Variants in EBF2 observed in about 807,000 individuals in gnomAD.
EBF2 encodes transcription factor COE2.
In EBF2, 21 loss-of-function variants were observed where a neutral mutation model predicts 72.8. The ratio of observed to expected loss-of-function variants is 0.29; its 90% CI spans 0.20 to 0.42. The LOEUF (loss-of-function observed/expected upper bound fraction) is 0.42, where lower values mean the gene tolerates loss of function less well. Ranked by LOEUF, EBF2 falls within the 10% of genes least tolerant of loss-of-function variation. The pLI, the probability that EBF2 is intolerant of heterozygous loss-of-function variation, is 1.00. For missense variants in EBF2, 637 were observed against 731.2 expected (o/e 0.87, Z 1.49); for synonymous variants, 299 against 274.2 (o/e 1.09, Z -0.89).
At chr8:25,870,847 C>G (rs1025489281) in intron 10 of EBF2, among the ~76,000 whole-genome samples, 6 of 151,952 alleles carry the variant, frequency 3.9e-5, no homozygotes, top group Non-Finnish European at 8.8e-5. Context: ...ACTTCATAGG[C>G]ATAAACTATG....
At chr8:26,003,562 G>C (rs998667669) in intron 6 of EBF2, among the ~76,000 whole-genome samples, 2 of 152,110 alleles carry the variant, frequency 1.3e-5, no homozygotes, top group African/African-American at 2.4e-5. Context: ...GAGCACTGGT[G>C]GGGTGGGGGC....
intron 6 of EBF2, among the ~76,000 whole-genome samples, chr8:25,969,256 T>C (rs1202937694): frequency 6.6e-6 from 1 of 152,256 alleles, no homozygotes; most frequent in Non-Finnish European, 1.5e-5. Flanking sequence ...GTCCCATTCA[T>C]GAATTCCTTC....
chr8:25,993,840 G>A (rs903178942), intron 6 of EBF2, among the ~76,000 whole-genome samples: 28 of 152,100 alleles, frequency 1.8e-4, no homozygotes, highest in Middle Eastern at 3.2e-3. Context: ...AGGAATAATC[G>A]ATGAAAATCT....
chr8:25,949,962 C>T (rs894428989), intron 6 of EBF2, among the ~76,000 whole-genome samples: 3 of 152,202 alleles, frequency 2.0e-5, no homozygotes, highest in Non-Finnish European at 4.4e-5. Flanking sequence ...AACCTCATCA[C>T]CTTTAGAAAT....
intron 6 of EBF2, among the ~76,000 whole-genome samples, chr8:26,012,458 T>C (rs1218876002): frequency 4.6e-5 from 7 of 152,230 alleles, no homozygotes; most frequent in Non-Finnish European, 1.0e-4. Flanking sequence ...TAATTCCTGA[T>C]ACATACTAAA....
chr8:25,899,869 G>A (rs1338203774), intron 7 of EBF2, among the ~76,000 whole-genome samples: 1 of 152,120 alleles, frequency 6.6e-6, no homozygotes, highest in East Asian at 1.9e-4. Flanking sequence ...CCCTGTGGAC[G>A]CCAGTCAGTC....
At chr8:25,993,769 T>C (rs2117212527) in intron 6 of EBF2, among the ~76,000 whole-genome samples, 1 of 152,124 alleles carries the variant, frequency 6.6e-6, no homozygotes, top group East Asian at 1.9e-4. Flanking sequence ...TGAAGAAATG[T>C]ATGCAAATTT....
intron 8 of EBF2, 100 bp from the exon 9 acceptor site, chr8:25,888,072 C>A: frequency 7.6e-7 from 1 of 1,323,762 alleles, no homozygotes; most frequent in Non-Finnish European, 1.0e-6. Context: ...TCTTGGGCCA[C>A]GTATAAAATA....
intron 6 of EBF2, among the ~76,000 whole-genome samples, chr8:25,988,953 A>C (rs1029613968): frequency 6.6e-6 from 1 of 152,264 alleles, no homozygotes; most frequent in Admixed American, 6.5e-5. Context: ...AACTAGCAAC[A>C]TTGTATCATC....
intron 6 of EBF2, among the ~76,000 whole-genome samples, chr8:25,918,428 A>C (rs1049432428): frequency 1.3e-5 from 2 of 152,254 alleles, no homozygotes; most frequent in African/African-American, 4.8e-5. Context: ...GAAGCCATGC[A>C]TAAATTTACA....
intron 6 of EBF2, among the ~76,000 whole-genome samples, chr8:25,968,749 G>A (rs1804150319): frequency 6.6e-6 from 1 of 152,154 alleles, no homozygotes; most frequent in East Asian, 1.9e-4. Flanking sequence ...GTAGAGACGG[G>A]GTTTCACTGT....
intron 4 of EBF2, 131 bp from the exon 5 acceptor site, chr8:26,040,232 G>T (rs1367110909): frequency 2.0e-6 from 2 of 976,544 alleles, no homozygotes; most frequent in Non-Finnish European, 3.1e-6. Context: ...ATTCCCGCCC[G>T]CAGCACATTC....
intron 6 of EBF2, among the ~76,000 whole-genome samples, chr8:25,982,410 C>T (rs1342231963): frequency 1.1e-4 from 17 of 152,304 alleles, no homozygotes; most frequent in Admixed American, 1.1e-3. Context: ...GGAGCTGTGG[C>T]CCCGCTCCCT....
At chr8:25,920,452 C>T (rs910509304) in intron 6 of EBF2, among the ~76,000 whole-genome samples, 15 of 152,194 alleles carry the variant, frequency 9.9e-5, no homozygotes, top group African/African-American at 3.1e-4. Flanking sequence ...CAAGTCCCAC[C>T]TATTGACAGG....
chr8:25,913,278 T>C (rs1418130781), intron 6 of EBF2, among the ~76,000 whole-genome samples: 1 of 151,854 alleles, frequency 6.6e-6, no homozygotes. Flanking sequence ...CCATCTCTAC[T>C]AAAAATACAA....
chr8:26,028,171 G>C (rs1461732325), intron 6 of EBF2, among the ~76,000 whole-genome samples: 1 of 152,150 alleles, frequency 6.6e-6, no homozygotes, highest in Non-Finnish European at 1.5e-5. Flanking sequence ...GGTGTCAGGA[G>C]AACCCTTCAT....
At chr8:26,015,821 T>C (rs1354955350) in intron 6 of EBF2, among the ~76,000 whole-genome samples, 1 of 152,144 alleles carries the variant, frequency 6.6e-6, no homozygotes, top group Non-Finnish European at 1.5e-5. Context: ...GCCTACATTC[T>C]CAAGACAGAA....
intron 6 of EBF2, among the ~76,000 whole-genome samples, chr8:25,966,572 A>T (rs1804119097): frequency 6.6e-6 from 1 of 152,220 alleles, no homozygotes; most frequent in East Asian, 1.9e-4. Context: ...CTATTACATA[A>T]AGTATAGGAC....
Position 25,877,616 on chromosome 8 carries a change from TG to T in EBF2, c.1009+9138del, listed in dbSNP as rs372268294. On this transcript the variant is annotated intron_variant, in intron 10 of 15. Transcript: ENST00000520164. ...CCTAATAATGGGCTTGGCTCTGTCA[TG>T]GTGGTGCATCCTTGGATACAGAAAA... 5.0e-3 allele frequency among the ~76,000 whole-genome samples: 765 copies of T among 152,314 alleles called. 4 individuals carry two copies. Among genetic ancestry groups the T allele is most frequent in the African/African-American group, 0.018 (728 of 41,568 alleles).
Sources: gnomAD v4.1 joint callset for allele counts (sites outside exome capture counted in the v4.1 genomes callset) on GRCh38, gnomAD v4.1.1 for gene constraint, MANE v1.5 for transcripts, NCBI Gene and HGNC (gene_info 2026-07-23, HGNC 2026-07-21) for gene names.